The following MDGA2 variants were observed in gnomAD, a reference collection of about 807,000 sequenced individuals.
The protein encoded by MDGA2 is MAM domain containing glycosylphosphatidylinositol anchor 2.
In MDGA2, 40 loss-of-function variants were observed where a neutral mutation model predicts 117.8. That is an observed-to-expected ratio of 0.34 (90% CI 0.26 to 0.44). The LOEUF (loss-of-function observed/expected upper bound fraction) is 0.44, where lower values mean the gene tolerates loss of function less well. MDGA2 is among the 20% of genes least tolerant of loss of function. The pLI is 1.00. For synonymous variants in MDGA2, 452 were observed against 439.0 expected (o/e 1.03, Z -0.37); for missense variants, 1,123 against 1,250.6 (o/e 0.90, Z 1.54).
chr14:47,135,951 T>C (rs1882431352), intron 4 of MDGA2, among the ~76,000 whole-genome samples: 1 of 152,142 alleles, frequency 6.6e-6, no homozygotes, highest in Admixed American at 6.5e-5. Context: ...TTTCAAAGCT[T>C]GGAAAAGGTC....
chr14:47,586,629 T>C (rs1351451688), intron 1 of MDGA2, among the ~76,000 whole-genome samples: 1 of 151,818 alleles, frequency 6.6e-6, no homozygotes, highest in Non-Finnish European at 1.5e-5. Flanking sequence ...GGAATATTTA[T>C]CCTCCAGCAT....
In MDGA2 at chr14:46,852,021, A is replaced by G. The variant is rs553326579; in HGVS notation, c.2883+3003T>C. On this transcript the variant is annotated intron_variant, in intron 15 of 16. Transcript: ENST00000399232. ...AGTTGTGTTTCACGTTTCCTTGAAC[A>G]ATCAAGATTAATGAAATAAAGTCCT... 2.0e-3 allele frequency among the ~76,000 whole-genome samples: 297 copies of G among 151,970 alleles called. 2 individuals carry two copies. Among genetic ancestry groups the G allele is most frequent in the African/African-American group, 6.9e-3 (287 of 41,528 alleles).
At chr14:47,227,894 T>C (rs972740042) in intron 2 of MDGA2, among the ~76,000 whole-genome samples, 3 of 152,176 alleles carry the variant, frequency 2.0e-5, no homozygotes, top group African/African-American at 7.2e-5. Context: ...TTAAATACCA[T>C]TTATGTAATG....
chr14:47,595,238 G>GA (rs113153456), intron 1 of MDGA2, among the ~76,000 whole-genome samples: 33,684 of 143,912 alleles, frequency 0.23, 3,988 homozygotes, highest in Non-Finnish European at 0.25. Flanking sequence ...TAGCATTAGA[G>GA]AAAAAAAAAA....
intron 2 of MDGA2, among the ~76,000 whole-genome samples, chr14:47,219,802 C>T (rs1180395156): frequency 1.3e-5 from 2 of 151,988 alleles, no homozygotes; most frequent in South Asian, 2.1e-4. Flanking sequence ...AGAATAGTCT[C>T]GTCTGTGTAA....
chr14:47,561,150 T>TG (rs1566515848), intron 1 of MDGA2, among the ~76,000 whole-genome samples: 2 of 43,242 alleles, frequency 4.6e-5, no homozygotes, highest in African/African-American at 1.2e-4. Context: ...TGTTTTTTTT[T>TG]TTGTTTTGTT....
intron 5 of MDGA2, among the ~76,000 whole-genome samples, chr14:47,120,859 A>G (rs1467063394): frequency 1.3e-5 from 2 of 152,152 alleles, no homozygotes; most frequent in African/African-American, 4.8e-5. Flanking sequence ...TTCTGATTTA[A>G]TTAAAAGCTC....
chr14:46,845,812 T>C lies in MDGA2; in HGVS notation c.2943A>G (p.Val981=), dbSNP rs1372323292. 2 of 1,613,502 alleles carry C rather than the reference T, an allele frequency of 1.2e-6. No homozygotes were observed. Among genetic ancestry groups the C allele is most frequent in the Non-Finnish European group, 1.7e-6 (2 of 1,179,636 alleles). The change falls in exon 16 of 17, where the codon GTA becomes GTG. Residue 981 remains valine (V), a synonymous_variant. Coordinates refer to ENST00000399232, the MANE Select transcript of MDGA2 (RefSeq NM_001113498.3). ...GIEGDIAIDD[V]SIAEGECAKQ... Reference sequence around the variant, plus strand: ...TTGCACATTCTCCTTCTGCAATTGATACATCATCAATAGCAATGTCACCTT... The same window carrying C: ...TTGCACATTCTCCTTCTGCAATTGACACATCATCAATAGCAATGTCACCTT...
intron 6 of MDGA2, 32 bp downstream of exon 6, chr14:47,096,822 T>C (rs930976451): frequency 2.5e-6 from 4 of 1,605,350 alleles, no homozygotes; most frequent in Non-Finnish European, 3.4e-6. Context: ...AACCTAGGAA[T>C]CTACGTTGTA....
intron 10 of MDGA2, among the ~76,000 whole-genome samples, chr14:46,916,829 T>C (rs1883918971): frequency 6.6e-6 from 1 of 151,922 alleles, no homozygotes; most frequent in Non-Finnish European, 1.5e-5. Flanking sequence ...GAATACGGCA[T>C]CATAAAAAGC....
chr14:47,173,020 G>A (rs1050849428), intron 3 of MDGA2, among the ~76,000 whole-genome samples: 3 of 152,126 alleles, frequency 2.0e-5, no homozygotes, highest in East Asian at 1.9e-4. Context: ...CCCAGGAGCC[G>A]ATGCGATCAA....
intron 1 of MDGA2, chr14:47,343,289 C>A: frequency 8.9e-7 from 1 of 1,121,702 alleles, no homozygotes; most frequent in Non-Finnish European, 1.1e-6. Context: ...GCAATGTTAA[C>A]TAAGTTCTAA....
At chr14:47,128,090 C>T (rs1033987734) in intron 5 of MDGA2, among the ~76,000 whole-genome samples, 1 of 152,088 alleles carries the variant, frequency 6.6e-6, no homozygotes, top group Non-Finnish European at 1.5e-5. Flanking sequence ...ATCACATCTA[C>T]AACATAAAAA....
chr14:47,629,343 T>C lies in MDGA2; in HGVS notation c.280+45174A>G, dbSNP rs117814015. On this transcript the variant is annotated intron_variant, in intron 1 of 16. Coordinates refer to ENST00000399232, the MANE Select transcript of MDGA2 (RefSeq NM_001113498.3). ...TTTACAGATATATTGGTATTATTGT[T>C]CTGGTTTTTAAAAATTTATTAACTA... 6.2e-3 allele frequency among the ~76,000 whole-genome samples: 952 copies of C among 152,330 alleles called. 8 individuals carry two copies. Among genetic ancestry groups the C allele is most frequent in the Middle Eastern group, 0.01 (3 of 294 alleles).
At chr14:47,519,744 A>G (rs1368502261) in intron 1 of MDGA2, among the ~76,000 whole-genome samples, 6 of 152,188 alleles carry the variant, frequency 3.9e-5, no homozygotes, top group Non-Finnish European at 4.4e-5. Flanking sequence ...TTTACACCAT[A>G]TATGGGCATT....
chr14:47,521,526 T>A (rs1894866419), intron 1 of MDGA2, among the ~76,000 whole-genome samples: 1 of 152,204 alleles, frequency 6.6e-6, no homozygotes, highest in African/African-American at 2.4e-5. Context: ...TCAAAGAGTT[T>A]AATAATTTGT....
intron 2 of MDGA2, among the ~76,000 whole-genome samples, chr14:47,260,756 T>C (rs995291315): frequency 6.6e-6 from 1 of 152,078 alleles, no homozygotes; most frequent in Admixed American, 6.6e-5. Context: ...TGGGAGCTGA[T>C]ACTGGATGTC....
chr14:46,850,996 G>T (rs1465611002), intron 15 of MDGA2, among the ~76,000 whole-genome samples: 1 of 151,808 alleles, frequency 6.6e-6, no homozygotes, highest in African/African-American at 2.4e-5. Flanking sequence ...TACTAATGAG[G>T]ACAATATTTT....
At chr14:47,356,984 A>C (rs1415388966) in intron 1 of MDGA2, among the ~76,000 whole-genome samples, 2 of 152,218 alleles carry the variant, frequency 1.3e-5, no homozygotes, top group Non-Finnish European at 2.9e-5. Flanking sequence ...TCCATTGGAA[A>C]AATAAATCTT....
Sources: gnomAD v4.1 joint callset for allele counts (sites outside exome capture counted in the v4.1 genomes callset) on GRCh38, gnomAD v4.1.1 for gene constraint, MANE v1.5 for transcripts, NCBI Gene and HGNC (gene_info 2026-07-23, HGNC 2026-07-21) for gene names.